TMEM132B: variants seen among roughly 807,000 people sequenced by gnomAD.
TMEM132B encodes transmembrane protein 132B.
A neutral mutation model predicts 90.8 loss-of-function variants in TMEM132B; 18 were observed. The ratio of observed to expected loss-of-function variants is 0.20; its 90% CI spans 0.14 to 0.29. TMEM132B has a LOEUF of 0.29. TMEM132B is among the 10% of genes least tolerant of loss of function. The probability of loss-of-function intolerance (pLI) is 1.00; values close to 1 mark genes in which losing one functional copy is unlikely to be tolerated. For synonymous variants in TMEM132B, 504 were observed against 523.3 expected (o/e 0.96, Z 0.50); for missense variants, 1,096 against 1,326.8 (o/e 0.83, Z 2.70).
intron 3 of TMEM132B, among the ~76,000 whole-genome samples, chr12:125,505,166 CAAAAAAAAAAAAA>C (rs71306287): frequency 1.0e-3 from 29 of 28,596 alleles, no homozygotes; most frequent in Middle Eastern, 0.021. Flanking sequence ...CACCAGAGGA[CAAAAAAAAAAAAA>C]AAAAAAAAAA....
intron 1 of TMEM132B, among the ~76,000 whole-genome samples, chr12:125,249,983 C>G (rs187130500): frequency 2.8e-4 from 43 of 152,362 alleles, no homozygotes; most frequent in African/African-American, 1.0e-3. Flanking sequence ...AGGAGGAAGA[C>G]TCTGAGGCGG....
At chr12:125,239,705 G>A (rs562822198) in intron 1 of TMEM132B, among the ~76,000 whole-genome samples, 56 of 152,324 alleles carry the variant, frequency 3.7e-4, no homozygotes, top group African/African-American at 1.3e-3. Flanking sequence ...GAAGGGAGAG[G>A]TAAGCCAGGG....
rs1592970341 is a variant in TMEM132B, at chr12:125,518,978, G to A, written c.1107-461G>A. Among the ~76,000 whole-genome samples the A allele has an allele frequency of 2.0e-5, 3 of 152,334 alleles. No homozygotes were observed. In the South Asian group the frequency reaches 6.2e-4, roughly 32 times the overall value. Reference sequence around the variant, plus strand: ...CTCTGCAAATTCTAAAGCTTGGAGAGTTTTAACAACTGGTCTACAGACCTC... The same window carrying A: ...CTCTGCAAATTCTAAAGCTTGGAGAATTTTAACAACTGGTCTACAGACCTC... On this transcript the variant is annotated intron_variant, in intron 3 of 8. Transcript: ENST00000682704.
At chr12:125,630,404 G>A (rs1175475242) in intron 5 of TMEM132B, among the ~76,000 whole-genome samples, 1 of 151,864 alleles carries the variant, frequency 6.6e-6, no homozygotes, top group East Asian at 1.9e-4. Context: ...ATTTCTTCTA[G>A]AGTTTCCAAT....
At chr12:125,428,411 A>G (rs1028724105) in intron 3 of TMEM132B, among the ~76,000 whole-genome samples, 2 of 152,056 alleles carry the variant, frequency 1.3e-5, no homozygotes, top group East Asian at 1.9e-4. Context: ...TTATTCATTC[A>G]TTTATTGTTT....
chr12:125,325,717 GTGTC>G (rs1352268100), intron 1 of TMEM132B, among the ~76,000 whole-genome samples: 15 of 135,328 alleles, frequency 1.1e-4, no homozygotes, highest in East Asian at 2.2e-4. Context: ...GTGTGTGTGT[GTGTC>G]TGTTTCTAAG....
chr12:125,406,984 T>G lies in TMEM132B; in HGVS notation c.960-8547T>G, dbSNP rs566790846. On this transcript the variant is annotated intron_variant, in intron 2 of 8. Coordinates refer to ENST00000682704, the MANE Select transcript of TMEM132B (RefSeq NM_001366854.1). This position sits in a 1 kb window ranked among gnomAD's most constrained non-coding sequence, Gnocchi z 8.3. ...GTGGAGTCGTATGGACAGCATTTGC[T>G]TCTCCCAGAGCTGATGTGCAACCAT... Among the ~76,000 whole-genome samples the G allele has an allele frequency of 1.5e-4, 23 of 152,324 alleles. No individual in the cohort carries two copies. The highest frequency in any genetic ancestry group is 4.1e-4 in the African/African-American group (17 of 41,576).
At chr12:125,316,062 T>G (rs771823960) in intron 1 of TMEM132B, among the ~76,000 whole-genome samples, 19 of 152,182 alleles carry the variant, frequency 1.2e-4, no homozygotes, top group Non-Finnish European at 2.2e-4. Context: ...TCCCTGAATG[T>G]TCTCTCCAAC....
intron 1 of TMEM132B, among the ~76,000 whole-genome samples, chr12:125,315,607 A>G (rs1319073089): frequency 6.6e-6 from 1 of 152,212 alleles, no homozygotes. Context: ...CGTGGGTACC[A>G]TGATCCTTGT....
chr12:125,467,331 G>T (rs1446906797), intron 3 of TMEM132B, among the ~76,000 whole-genome samples: 4 of 152,148 alleles, frequency 2.6e-5, no homozygotes, highest in African/African-American at 9.7e-5. Context: ...CCTGGATCCA[G>T]CCCTGTTTGA....
chr12:125,515,481 TCA>T (rs757426558), intron 3 of TMEM132B, among the ~76,000 whole-genome samples: 2 of 81,462 alleles, frequency 2.5e-5, no homozygotes, highest in Non-Finnish European at 3.8e-5. Flanking sequence ...TCACACATTG[TCA>T]CACTCACACA....
intron 4 of TMEM132B, among the ~76,000 whole-genome samples, chr12:125,544,859 T>C (rs1884049473): frequency 6.6e-6 from 1 of 152,210 alleles, no homozygotes; most frequent in African/African-American, 2.4e-5. Flanking sequence ...GGCGTTGCTG[T>C]GAATGTGAAA....
intron 1 of TMEM132B, among the ~76,000 whole-genome samples, chr12:125,252,954 T>C (rs1450610527): frequency 6.6e-6 from 1 of 152,140 alleles, no homozygotes; most frequent in African/African-American, 2.4e-5. Flanking sequence ...CTCAAAGGGG[T>C]TAACTGTAAG....
chr12:125,377,539 G>C (rs894838727), intron 2 of TMEM132B, among the ~76,000 whole-genome samples: 1 of 152,168 alleles, frequency 6.6e-6, no homozygotes, highest in African/African-American at 2.4e-5. Context: ...TCCCCTACTT[G>C]AGAGTGCTGT....
intron 3 of TMEM132B, among the ~76,000 whole-genome samples, chr12:125,439,282 A>G (rs10846890): frequency 0.53 from 80,041 of 152,020 alleles, 21,996 homozygotes; most frequent in African/African-American, 0.69. Context: ...TAATGATGGT[A>G]ATTATTCCTA....
intron 5 of TMEM132B, among the ~76,000 whole-genome samples, chr12:125,623,146 C>T (rs960072948): frequency 5.9e-5 from 9 of 152,082 alleles, no homozygotes; most frequent in African/African-American, 1.9e-4. Context: ...TCATCAACGC[C>T]CAATCCCTTC....
chr12:125,604,280 G>A (rs558760376), intron 5 of TMEM132B, among the ~76,000 whole-genome samples: 5 of 152,198 alleles, frequency 3.3e-5, no homozygotes, highest in African/African-American at 9.6e-5. Context: ...AAGGGAATGA[G>A]ACTGTGTCCT....
rs188787748 is a variant in TMEM132B, at chr12:125,380,988, G to C, written c.959+30645G>C. ...TTAATTTTCCTGTTTTAAATGCTCA[G>C]AGTTGCTTCTGTCCTGGTCAGATGC... On this transcript the variant is annotated intron_variant, in intron 2 of 8. Coordinates refer to ENST00000682704, the MANE Select transcript of TMEM132B (RefSeq NM_001366854.1). Among the ~76,000 whole-genome samples, 3 of 152,300 alleles carry C rather than the reference G, an allele frequency of 2.0e-5. No homozygotes were observed. In the East Asian group the frequency reaches 5.8e-4, roughly 29 times the overall value.
At chr12:125,625,725 A>T (rs1444622733) in intron 5 of TMEM132B, among the ~76,000 whole-genome samples, 1 of 152,226 alleles carries the variant, frequency 6.6e-6, no homozygotes, top group Non-Finnish European at 1.5e-5. Context: ...ATAAATTGCC[A>T]GACTGTTTTC....
Sources: gnomAD v4.1 joint callset for allele counts (sites outside exome capture counted in the v4.1 genomes callset) on GRCh38, gnomAD v4.1.1 for gene constraint, Gnocchi (gnomAD v3.1) non-coding constraint, MANE v1.5 for transcripts, NCBI Gene and HGNC (gene_info 2026-07-23, HGNC 2026-07-21) for gene names.